TLK2: variants seen among roughly 807,000 people sequenced by gnomAD.
The protein encoded by TLK2 is tousled like kinase 2.
A neutral mutation model predicts 117.3 loss-of-function variants in TLK2; 6 were observed. The ratio of observed to expected loss-of-function variants is 0.05; its 90% CI spans 0.03 to 0.10. TLK2 has a LOEUF of 0.10. Among genes scored for constraint, TLK2 ranks in the 10% least tolerant of loss-of-function variants. The pLI, the probability that TLK2 is intolerant of heterozygous loss-of-function variation, is 1.00. For synonymous variants in TLK2, 257 were observed against 316.7 expected (o/e 0.81, Z 2.00); for missense variants, 299 against 901.2 (o/e 0.33, Z 8.56).
At chr17:62,592,974 T>A (rs1299538515) in intron 16 of TLK2, among the ~76,000 whole-genome samples, 1 of 152,148 alleles carries the variant, frequency 6.6e-6, no homozygotes, top group East Asian at 1.9e-4. Context: ...TCTGTGCCAC[T>A]GCTGATCTGA....
rs186068207 is a variant in TLK2, at chr17:62,491,585, A to G, written c.81+10379A>G. On this transcript the variant is annotated intron_variant, in intron 2 of 21. Coordinates refer to ENST00000346027, the MANE Select transcript of TLK2 (RefSeq NM_006852.6). Reference sequence around the variant, plus strand: ...TTGGCCATGGTTAGCTAAGTACTTCATATATTTATTTATTTATTTTTGAGA... The same window carrying G: ...TTGGCCATGGTTAGCTAAGTACTTCGTATATTTATTTATTTATTTTTGAGA... Among the ~76,000 whole-genome samples the G allele has an allele frequency of 3.8e-3, 584 of 151,954 alleles. 3 individuals carry two copies. The highest frequency in any genetic ancestry group is 0.013 in the African/African-American group (544 of 41,454).
chr17:62,500,323 A>G (rs1056977369), intron 2 of TLK2, among the ~76,000 whole-genome samples: 5 of 152,170 alleles, frequency 3.3e-5, no homozygotes, highest in South Asian at 2.1e-4. Flanking sequence ...AACACTAAGT[A>G]TAAAAAAGCT....
At chr17:62,476,886 A>G (rs976930635), upstream of TLK2, among the ~76,000 whole-genome samples, 3 of 151,592 alleles carry the variant, frequency 2.0e-5, no homozygotes, top group African/African-American at 7.3e-5. Context: ...ATTCGAGACC[A>G]ACGTGGCCAA....
intron 2 of TLK2, among the ~76,000 whole-genome samples, chr17:62,497,399 A>G (rs2073805013): frequency 6.6e-6 from 1 of 152,234 alleles, no homozygotes; most frequent in African/African-American, 2.4e-5. Context: ...GTATTTGAGC[A>G]GAAGCTATGC....
Position 62,572,575 on chromosome 17 carries a change from A to G in TLK2, c.969-640A>G, listed in dbSNP as rs117177883. Among the ~76,000 whole-genome samples, 1,149 of 152,330 alleles carry G rather than the reference A, an allele frequency of 7.5e-3. 8 individuals carry two copies. Among genetic ancestry groups the G allele is most frequent in the South Asian group, 0.022 (105 of 4,832 alleles). On this transcript the variant is annotated intron_variant, in intron 11 of 21. Transcript: ENST00000346027. ...TTTATACTAATTCATTTTGTATACT[A>G]TTCCCTAAGGAGTTCTTACTAGTTG... is the stretch of plus-strand genomic sequence containing the variant.
chr17:62,526,626 C>T (rs1029710516), intron 6 of TLK2, among the ~76,000 whole-genome samples: 1 of 152,160 alleles, frequency 6.6e-6, no homozygotes, highest in Non-Finnish European at 1.5e-5. Flanking sequence ...CAAAAAGGAA[C>T]TCTTGCTTTC....
At chr17:62,486,389 T>C (rs1444902020) in intron 2 of TLK2, among the ~76,000 whole-genome samples, 3 of 152,074 alleles carry the variant, frequency 2.0e-5, no homozygotes, top group South Asian at 2.1e-4. Flanking sequence ...CTCTCTCTCT[T>C]GACCTCATGA....
At chr17:62,556,578 TTCTC>T (rs976298067) in intron 9 of TLK2, among the ~76,000 whole-genome samples, 1 of 152,146 alleles carries the variant, frequency 6.6e-6, no homozygotes, top group Non-Finnish European at 1.5e-5. Flanking sequence ...ATAACACGCA[TTCTC>T]TCTCTCTGTT....
chr17:62,606,883 T>G (rs975259951), intron 20 of TLK2, among the ~76,000 whole-genome samples: 2 of 152,208 alleles, frequency 1.3e-5, no homozygotes, highest in Non-Finnish European at 2.9e-5. Context: ...TTTCAGTGTT[T>G]CCCAGTAGGC....
intron 17 of TLK2, chr17:62,597,281 C>T (rs2082548638): frequency 6.6e-6 from 1 of 152,198 alleles, no homozygotes; most frequent in African/African-American, 2.4e-5. Flanking sequence ...TTATTACTGG[C>T]TTCTTTCACT....
intron 9 of TLK2, among the ~76,000 whole-genome samples, chr17:62,557,329 T>C (rs1333221181): frequency 6.6e-6 from 1 of 152,222 alleles, no homozygotes; most frequent in Non-Finnish European, 1.5e-5. Flanking sequence ...TTCCTAGATA[T>C]CACGTCTTTT....
chr17:62,499,858 A>G (rs1371956663), intron 2 of TLK2, among the ~76,000 whole-genome samples: 1 of 152,060 alleles, frequency 6.6e-6, no homozygotes, highest in African/African-American at 2.4e-5. Context: ...CTAAAAAAAA[A>G]AAAAGAAAAA....
At chr17:62,500,800 T>TA (rs2074123946) in intron 2 of TLK2, among the ~76,000 whole-genome samples, 1 of 152,176 alleles carries the variant, frequency 6.6e-6, no homozygotes, top group Non-Finnish European at 1.5e-5. Context: ...ATGAAAAAGA[T>TA]ATCTGGAAAA....
chr17:62,516,387 A>G, intron 2 of TLK2: 2 of 1,583,666 alleles, frequency 1.3e-6, no homozygotes, highest in Non-Finnish European at 1.7e-6. Context: ...TTGCTGACCC[A>G]GCCCCAGCCT....
At chr17:62,574,278 T>A in intron 12 of TLK2, 1 of 1,528,918 alleles carries the variant, frequency 6.5e-7, no homozygotes, top group South Asian at 1.2e-5. Context: ...ACATATCTGA[T>A]GTTTTGGGAA....
chr17:62,587,853 G>A (rs1191441790), intron 16 of TLK2, among the ~76,000 whole-genome samples: 2 of 152,122 alleles, frequency 1.3e-5, no homozygotes, highest in Non-Finnish European at 2.9e-5. Flanking sequence ...AGTGAGCAAT[G>A]CCACTACTGT....
At chr17:62,530,923 A>G (rs1322003221) in intron 6 of TLK2, among the ~76,000 whole-genome samples, 1 of 152,150 alleles carries the variant, frequency 6.6e-6, no homozygotes, top group Non-Finnish European at 1.5e-5. Flanking sequence ...TTGAGCAGTA[A>G]TTCATTACCA....
intron 7 of TLK2, among the ~76,000 whole-genome samples, chr17:62,551,349 A>G (rs118100544): frequency 1.3e-5 from 2 of 152,194 alleles, no homozygotes; most frequent in African/African-American, 2.4e-5. Context: ...AGAATATTGA[A>G]TATTTTCTAC....
chr17:62,481,988 G>A (rs1044592754), intron 2 of TLK2, among the ~76,000 whole-genome samples: 4 of 151,828 alleles, frequency 2.6e-5, no homozygotes, highest in South Asian at 2.1e-4. Context: ...TCTTGTCGCC[G>A]AGGCTGGAGT....
Sources: allele counts gnomAD v4.1 joint callset (sites outside exome capture counted in the v4.1 genomes callset), GRCh38; gene constraint gnomAD v4.1.1; transcripts MANE v1.5; gene names NCBI Gene and HGNC (gene_info 2026-07-23, HGNC 2026-07-21).